Variants in ADTRP observed in about 807,000 individuals in gnomAD.
ADTRP encodes androgen dependent TFPI regulating protein.
Under a neutral mutation model 27.0 loss-of-function variants are expected in ADTRP, and 20 were observed. That is an observed-to-expected ratio of 0.74 (90% CI 0.52 to 1.08). ADTRP has a LOEUF of 1.08. Among genes scored for constraint, ADTRP ranks in the 50% least tolerant of loss-of-function variants. ADTRP has a pLI of 0.00. For missense variants in ADTRP, 251 were observed against 275.0 expected, an observed-to-expected ratio of 0.91 and a Z score of 0.62; for synonymous variants, 101 against 105.2, an observed-to-expected ratio of 0.96 and a Z score of 0.25.
At chr6:11,764,380 C>T (rs1763486590) in intron 3 of ADTRP, among the ~76,000 whole-genome samples, 1 of 152,204 alleles carries the variant, frequency 6.6e-6, no homozygotes, top group Non-Finnish European at 1.5e-5. Context: ...ACAAGATGAG[C>T]ACACAAACCT....
intron 3 of ADTRP, among the ~76,000 whole-genome samples, chr6:11,751,098 G>T (rs1002475889): frequency 6.6e-6 from 1 of 152,136 alleles, no homozygotes; most frequent in East Asian, 1.9e-4. Context: ...CAATCCACCC[G>T]GCTCAGCCTC....
At chr6:11,751,588 G>C (rs973683836) in intron 3 of ADTRP, among the ~76,000 whole-genome samples, 1 of 151,938 alleles carries the variant, frequency 6.6e-6, no homozygotes, top group Non-Finnish European at 1.5e-5. Flanking sequence ...CTCTATTTTT[G>C]CTCAGCATTT....
intron 4 of ADTRP, 131 bp downstream of exon 4, chr6:11,735,437 G>T: frequency 1.5e-6 from 1 of 679,276 alleles, no homozygotes; most frequent in Non-Finnish European, 2.5e-6. Flanking sequence ...TTCTTACCTG[G>T]AAATGTAAAC....
intron 5 of ADTRP, among the ~76,000 whole-genome samples, chr6:11,721,014 C>T (rs1217200407): frequency 6.6e-6 from 1 of 152,162 alleles, no homozygotes; most frequent in East Asian, 1.9e-4. Context: ...ACCCCTAATT[C>T]GTAAGACACC....
chr6:11,742,821 C>T (rs1762758854), intron 3 of ADTRP, among the ~76,000 whole-genome samples: 1 of 152,220 alleles, frequency 6.6e-6, no homozygotes, highest in African/African-American at 2.4e-5. Flanking sequence ...CTGAGCAGTA[C>T]AGGAACTCCA....
chr6:11,754,099 A>G (rs1763136988), intron 3 of ADTRP, among the ~76,000 whole-genome samples: 1 of 152,206 alleles, frequency 6.6e-6, no homozygotes, highest in Admixed American at 6.5e-5. Context: ...CAGTGATCTG[A>G]GTGAGAATCA....
intron 3 of ADTRP, chr6:11,736,622 G>C (rs1762564429): frequency 6.6e-6 from 1 of 152,570 alleles, no homozygotes; most frequent in Admixed American, 6.5e-5. Flanking sequence ...TCCCTGTGTG[G>C]ACTGTGCCTT....
Position 11,768,345 on chromosome 6 carries a change from A to G in ADTRP, c.192T>C (p.Asp64=). 1 of 1,614,242 alleles carries G rather than the reference A, an allele frequency of 6.2e-7. No homozygotes were observed. The highest frequency in any genetic ancestry group is 1.3e-5 in the African/African-American group (1 of 75,068). The change falls in exon 2 of 6, where the codon GAT becomes GAC. Residue 64 remains aspartate, a synonymous_variant. Transcript: ENST00000414691. ...QTIFYGVTCL[D]DVLKRTKGGK... ...CCCCTTTGGTTCTTTTCAGCACATC[A>G]TCCAGGCAGGTGACCCCGTAGAAAA...
At chr6:11,773,752 G>C (rs146051073) in intron 1 of ADTRP, among the ~76,000 whole-genome samples, 283 of 152,332 alleles carry the variant, frequency 1.9e-3, no homozygotes, top group African/African-American at 6.3e-3. Flanking sequence ...AGTTAGGCAA[G>C]TCACTCAAAA....
chr6:11,768,559 C>A (rs1002771456), intron 1 of ADTRP, among the ~76,000 whole-genome samples, 176 bp from the exon 2 acceptor site: 10 of 152,104 alleles, frequency 6.6e-5, no homozygotes, highest in African/African-American at 1.7e-4. Flanking sequence ...GGGTCCTGAC[C>A]CTGCTCGCTA....
At chr6:11,759,695 G>C (rs957135350) in intron 3 of ADTRP, among the ~76,000 whole-genome samples, 9 of 152,130 alleles carry the variant, frequency 5.9e-5, no homozygotes, top group African/African-American at 1.9e-4. Flanking sequence ...CCTAATCCCT[G>C]GAACCCGTGA....
chr6:11,777,946 G>C (rs1412989703), intron 1 of ADTRP, among the ~76,000 whole-genome samples: 1 of 152,094 alleles, frequency 6.6e-6, no homozygotes, highest in African/African-American at 2.4e-5. Context: ...TTCATAATCT[G>C]CTTTTCTCCC....
intron 3 of ADTRP, among the ~76,000 whole-genome samples, chr6:11,755,571 C>T (rs1350932291): frequency 6.6e-6 from 1 of 152,160 alleles, no homozygotes; most frequent in Non-Finnish European, 1.5e-5. Flanking sequence ...GGCAAAATGG[C>T]TTTATTGTGA....
intron 2 of ADTRP, chr6:11,767,831 T>C (rs1763625165): frequency 6.4e-6 from 1 of 155,590 alleles, no homozygotes; most frequent in South Asian, 2.0e-4. Flanking sequence ...TATTTGATGG[T>C]TTTCCACTTG....
At chr6:11,752,295 C>T (rs746848801) in intron 3 of ADTRP, among the ~76,000 whole-genome samples, 10 of 151,742 alleles carry the variant, frequency 6.6e-5, no homozygotes, top group East Asian at 1.9e-4. Context: ...TTTCATGTTA[C>T]GGTTTCGCTA....
At chr6:11,769,244 C>T (rs925852854) in intron 1 of ADTRP, among the ~76,000 whole-genome samples, 2 of 152,066 alleles carry the variant, frequency 1.3e-5, no homozygotes, top group Admixed American at 1.3e-4. Flanking sequence ...TCCTTGAAAG[C>T]CCTGGACTGG....
At chr6:11,755,025 G>A (rs1763168716) in intron 3 of ADTRP, 1 of 984,772 alleles carries the variant, frequency 1.0e-6, no homozygotes, top group African/African-American at 1.7e-5. Context: ...CTTCTGTTAT[G>A]AGTTTCTCCA....
Position 11,774,552 on chromosome 6 carries a change from A to G in ADTRP, c.153+4055T>C, listed in dbSNP as rs114396302. ...TTGTCATCATGAGAAGTTGAGGGTG[A>G]TGACGACGGAGCTGCCTGGGGCTTG... On this transcript the variant is annotated intron_variant, in intron 1 of 5. Coordinates refer to ENST00000414691, the MANE Select transcript of ADTRP (RefSeq NM_032744.4). Among the ~76,000 whole-genome samples the G allele has an allele frequency of 7.0e-3, 1,049 of 150,662 alleles. 19 individuals are homozygous for G. The highest frequency in any genetic ancestry group is 0.023 in the African/African-American group (957 of 41,202).
rs1015124494 is a variant in ADTRP, at chr6:11,750,404, C to G, written c.391-14721G>C. On this transcript the variant is annotated intron_variant, in intron 3 of 5. Transcript: ENST00000414691. ...TGCTGATACTAACAGCCAAGTAAATCAGGCAATCCTGGGTGCATTAAAACC... is the reference window on the plus strand; with the variant it reads ...TGCTGATACTAACAGCCAAGTAAATGAGGCAATCCTGGGTGCATTAAAACC... Among the ~76,000 whole-genome samples, 6 of 152,228 alleles carry G rather than the reference C, an allele frequency of 3.9e-5. No individual in the cohort carries two copies. The South Asian group carries it at 1.0e-3, about 26-fold the overall frequency.
Sources: gnomAD v4.1 joint callset for allele counts (sites outside exome capture counted in the v4.1 genomes callset) on GRCh38, gnomAD v4.1.1 for gene constraint, MANE v1.5 for transcripts, NCBI Gene and HGNC (gene_info 2026-07-23, HGNC 2026-07-21) for gene names.